Variants in PHLPP2 observed in about 807,000 individuals in gnomAD.
The protein encoded by PHLPP2 is PH domain leucine-rich repeat-containing protein phosphatase 2.
A neutral mutation model predicts 124.9 loss-of-function variants in PHLPP2; 66 were observed. That is an observed-to-expected ratio of 0.53 (90% CI 0.43 to 0.65). The LOEUF is 0.65. Among genes scored for constraint, PHLPP2 ranks in the 30% least tolerant of loss-of-function variants. The pLI is 0.00. For synonymous variants in PHLPP2, 681 were observed against 624.7 expected (o/e 1.09, Z -1.34); for missense variants, 1,685 against 1,600.4 (o/e 1.05, Z -0.90).
rs1450224138 is a variant in PHLPP2, at chr16:71,655,388, C to T, written c.2437G>A (p.Gly813Arg). Residue 813 changes from glycine to arginine, a missense_variant, in exon 17 of 19, where the codon GGA (glycine) becomes AGA (arginine). Gly to Arg is a moderately radical substitution (Grantham distance 125). Transcript: ENST00000568954. The stretch of plus-strand genomic sequence containing the variant: ...CCATCAAACATGCCATACACAGCTC[C>T]CACCCCCTCTGCAAAGCTATCCATA... ...LAMDSFAEGV[G>R]AVYGMFDGDR... 1.9e-6 allele frequency: 3 copies of T among 1,614,088 alleles called. No homozygotes were observed. Among genetic ancestry groups the T allele is most frequent in the Admixed American group, 1.7e-5 (1 of 60,020 alleles).
In PHLPP2 at chr16:71,652,833, T is replaced by G. The variant is rs962928291; in HGVS notation, c.2774A>C (p.Glu925Ala). The G allele has an allele frequency of 3.1e-6, 5 of 1,614,170 alleles. No individual in the cohort carries two copies. Among genetic ancestry groups the G allele is most frequent in the Non-Finnish European group, 4.2e-6 (5 of 1,180,024 alleles). Residue 925 changes from glutamate to alanine, a missense_variant, in exon 18 of 19, where the codon GAG becomes GCG. Coordinates refer to ENST00000568954, the MANE Select transcript of PHLPP2 (RefSeq NM_015020.3). ...SKVFSLEQDP[E>A]EAQRVKDQKA... ...TTGGTCCTTCACCCTTTGAGCCTCC[T>G]CTGGGTCCTGCTCCAGGCTGAAGAC... is the stretch of plus-strand genomic sequence containing the variant.
rs1277323857 is a variant in PHLPP2, at chr16:71,655,394, C to G, written c.2431G>C (p.Gly811Arg). 1.9e-6 allele frequency: 3 copies of G among 1,614,156 alleles called. No individual in the cohort carries two copies. Among genetic ancestry groups the G allele is most frequent in the Middle Eastern group, 1.6e-4 (1 of 6,062 alleles). ...SALAMDSFAE[G>R]VGAVYGMFDG... The stretch of plus-strand genomic sequence containing the variant: ...AACATGCCATACACAGCTCCCACCC[C>G]CTCTGCAAAGCTATCCATAGCAAGT... The change falls in exon 17 of 19, where the codon GGG becomes CGG. Residue 811 changes from glycine to arginine, a missense_variant. Transcript: ENST00000568954.
intron 2 of PHLPP2, among the ~76,000 whole-genome samples, chr16:71,709,218 T>C (rs1251722017): frequency 6.6e-6 from 1 of 152,212 alleles, no homozygotes; most frequent in Admixed American, 6.5e-5. Flanking sequence ...ATCAGTTCAG[T>C]ATGTATCCTA....
chr16:71,659,392 C>T (rs1458720493), intron 13 of PHLPP2, among the ~76,000 whole-genome samples: 1 of 151,798 alleles, frequency 6.6e-6, no homozygotes, highest in Non-Finnish European at 1.5e-5. Context: ...GCTGGGATTA[C>T]AGGCATGCGC....
intron 3 of PHLPP2, among the ~76,000 whole-genome samples, chr16:71,695,913 C>A (rs1443503496): frequency 6.6e-6 from 1 of 151,972 alleles, no homozygotes; most frequent in Non-Finnish European, 1.5e-5. Flanking sequence ...CAGATATACA[C>A]CAAATTGATG....
chr16:71,673,377 T>A (rs1596998155), intron 9 of PHLPP2, among the ~76,000 whole-genome samples: 2 of 152,326 alleles, frequency 1.3e-5, no homozygotes, highest in South Asian at 4.1e-4. Flanking sequence ...AGGTGTATAG[T>A]GGTGCCACGC....
rs374229954 is a variant in PHLPP2 at position 71,702,655 on chromosome 16, G to A, written c.361C>T (p.Arg121Cys). Reference protein sequence around the residue: ...LSRLGFDDPVRIQEEATNPDL... With the variant: ...LSRLGFDDPVCIQEEATNPDL... Reference sequence around the variant, plus strand: ...GGATTTGTAGCCTCCTCCTGTATGCGCACAGGATCATCAAATCCCAGCCTG... The same window carrying A: ...GGATTTGTAGCCTCCTCCTGTATGCACACAGGATCATCAAATCCCAGCCTG... The change falls in exon 3 of 19, where the codon CGC (arginine) becomes TGC (cysteine). Residue 121 changes from arginine (R) to cysteine (C), a missense_variant. Transcript: ENST00000568954. The A allele has an allele frequency of 1.5e-4, 234 of 1,607,324 alleles. 1 individual carries two copies. The highest frequency in any genetic ancestry group is 1.9e-4 in the Non-Finnish European group (227 of 1,175,634).
At chr16:71,688,122 G>T (rs1228931724) in intron 4 of PHLPP2, among the ~76,000 whole-genome samples, 1 of 152,180 alleles carries the variant, frequency 6.6e-6, no homozygotes, top group South Asian at 2.1e-4. Context: ...AAAGGGTCAA[G>T]CCATCCCTTT....
intron 12 of PHLPP2, among the ~76,000 whole-genome samples, chr16:71,664,838 T>C (rs184966882): frequency 3.3e-5 from 5 of 152,314 alleles, no homozygotes; most frequent in African/African-American, 1.2e-4. Flanking sequence ...AAAGAACATA[T>C]AGGCTGTTTC....
Position 71,649,953 on chromosome 16 carries a change from G to C in PHLPP2, c.2909C>G (p.Ser970Cys). 6.2e-7 allele frequency: 1 copy of C among 1,614,100 alleles called. No individual in the cohort carries two copies. The highest frequency in any genetic ancestry group is 8.5e-7 in the Non-Finnish European group (1 of 1,179,996). ...CTCATCTTGAATGGTCAGCGGAGTG[G>C]AAGATATGTGGGGCTTGGGGAGGAT... Reference protein sequence around the residue: ...PWILPKPHISSTPLTIQDELL... With the variant: ...PWILPKPHISCTPLTIQDELL... Residue 970 changes from serine to cysteine, a missense_variant, in exon 19 of 19, where the codon TCC becomes TGC. Coordinates refer to ENST00000568954, the MANE Select transcript of PHLPP2 (RefSeq NM_015020.3).
intron 18 of PHLPP2, among the ~76,000 whole-genome samples, chr16:71,651,429 T>C (rs1395215513): frequency 6.6e-6 from 1 of 152,076 alleles, no homozygotes; most frequent in Non-Finnish European, 1.5e-5. Flanking sequence ...CCAGGCGCAG[T>C]GGCATGTGCC....
intron 1 of PHLPP2, chr16:71,723,964 CCGCCGGCTCCGCCCCTCCGGCGGCT>C (rs1366958450): frequency 1.4e-5 from 4 of 286,694 alleles, no homozygotes; most frequent in Middle Eastern, 1.6e-3. Flanking sequence ...CCCCCGCGGC[CCGCCGGCTCCGCCCCTCCGGCGGCT>C]CGCCAGCTCC....
At position 71,652,990 on chromosome 16, in the gene PHLPP2, A is replaced by C; in HGVS notation, c.2617T>G (p.Ser873Ala). The change falls in exon 18 of 19, where the codon TCC (serine) becomes GCC (alanine). Residue 873 changes from serine (S) to alanine (A), a missense_variant. Physicochemically the swap from Ser to Ala is moderately conservative, Grantham distance 99. Coordinates refer to ENST00000568954, the MANE Select transcript of PHLPP2 (RefSeq NM_015020.3). ...KLGMAGQKLG[S>A]SALLCYIRPD... ...CGGATGTAGCACAGGAGAGCGGAGG[A>C]GCCCAACTTCTGGCCAGCCATTCCT... The C allele has an allele frequency of 1.2e-6, 2 of 1,613,412 alleles. No individual in the cohort carries two copies. The highest frequency in any genetic ancestry group is 8.5e-7 in the Non-Finnish European group (1 of 1,179,890).
At chr16:71,715,032 T>G (rs2045352298) in intron 1 of PHLPP2, 4 of 562,390 alleles carry the variant, frequency 7.1e-6, no homozygotes, top group Non-Finnish European at 1.2e-5. Flanking sequence ...ACCTCTCTTT[T>G]CCTTGTGTTT....
intron 2 of PHLPP2, among the ~76,000 whole-genome samples, chr16:71,705,694 T>C (rs2045268767): frequency 6.6e-6 from 1 of 152,032 alleles, no homozygotes; most frequent in Non-Finnish European, 1.5e-5. Context: ...GTATTTTTAG[T>C]AGGGACAGGG....
Position 71,681,799 on chromosome 16 carries a change from T to C in PHLPP2, c.842A>G (p.His281Arg). The C allele has an allele frequency of 6.2e-7, 1 of 1,614,020 alleles. No individual in the cohort carries two copies. The highest frequency in any genetic ancestry group is 8.5e-7 in the Non-Finnish European group (1 of 1,179,952). ...GGGTCTTTCTAACTGCATGAAGTTG[T>C]GTCGCAAGTTGAGGTAGGTAATATC... ...SQDITYLNLRHNFMQLERPGG... is the reference protein window; with the variant it reads ...SQDITYLNLRRNFMQLERPGG... The change falls in exon 6 of 19, where the codon CAC becomes CGC. Residue 281 changes from histidine (H) to arginine (R), a missense_variant. His to Arg is a conservative substitution (Grantham distance 29, BLOSUM62 0). Transcript: ENST00000568954.
chr16:71,690,455 A>G, intron 4 of PHLPP2, 64 bp downstream of exon 4: 1 of 1,084,158 alleles, frequency 9.2e-7, no homozygotes, highest in Non-Finnish European at 1.4e-6. Flanking sequence ...TATGAAAAGC[A>G]TTATGTGATA....
At chr16:71,680,308 A>C (rs1416827040) in intron 6 of PHLPP2, among the ~76,000 whole-genome samples, 1 of 152,244 alleles carries the variant, frequency 6.6e-6, no homozygotes, top group African/African-American at 2.4e-5. Context: ...TTTCATACTG[A>C]AATTATGTTG....
At chr16:71,689,385 CTT>C (rs57755507) in intron 4 of PHLPP2, among the ~76,000 whole-genome samples, 1,080 of 62,322 alleles carry the variant, frequency 0.017, 6 homozygotes, top group African/African-American at 0.074. Context: ...CTACACCTGG[CTT>C]TTTTTTTTTT....
Sources: allele counts gnomAD v4.1 joint callset (sites outside exome capture counted in the v4.1 genomes callset), GRCh38; gene constraint gnomAD v4.1.1; transcripts MANE v1.5; gene names NCBI Gene and HGNC (gene_info 2026-07-23, HGNC 2026-07-21).